The following RIPOR3 variants were observed in gnomAD, a reference collection of about 807,000 sequenced individuals.
The protein encoded by RIPOR3 is family with sequence similarity 65 member C.
A neutral mutation model predicts 114.3 loss-of-function variants in RIPOR3; 95 were observed. The ratio of observed to expected loss-of-function variants is 0.83; its 90% confidence interval spans 0.70 to 0.99. RIPOR3 has a LOEUF of 0.99. Ranked by LOEUF, RIPOR3 falls within the 50% of genes least tolerant of loss-of-function variation. The pLI is 0.00. For missense variants in RIPOR3, 1,252 were observed against 1,266.9 expected (o/e 0.99, Z 0.18); for synonymous variants, 575 against 543.8 (o/e 1.06, Z -0.80).
At chr20:50,674,910 C>G (rs1318916410) in intron 1 of RIPOR3, among the ~76,000 whole-genome samples, 2 of 151,760 alleles carry the variant, frequency 1.3e-5, no homozygotes, top group Admixed American at 1.3e-4. Flanking sequence ...TAGCAAGACC[C>G]CATCTCTATT....
chr20:50,668,651 G>A (rs566779504), intron 1 of RIPOR3, among the ~76,000 whole-genome samples: 1 of 152,290 alleles, frequency 6.6e-6, no homozygotes, highest in Admixed American at 6.5e-5. Flanking sequence ...GAGGTCAGGA[G>A]TTCAAGGCCA....
intron 5 of RIPOR3, 89 bp from the exon 6 acceptor site, chr20:50,610,995 A>C (rs1229126315): frequency 2.7e-6 from 2 of 740,612 alleles, no homozygotes; most frequent in Non-Finnish European, 3.7e-6. Context: ...ACAGGTCCTA[A>C]CTCAGAGAAT....
intron 1 of RIPOR3, among the ~76,000 whole-genome samples, chr20:50,655,393 C>A (rs2085774522): frequency 6.6e-6 from 1 of 152,184 alleles, no homozygotes; most frequent in Admixed American, 6.5e-5. Context: ...GCACACTGCC[C>A]AGTGGGTGAA....
Position 50,597,787 on chromosome 20 carries a change from C to A in RIPOR3, c.1660-77G>T, listed in dbSNP as rs573239020. 131 of 1,543,056 alleles carry A rather than the reference C, an allele frequency of 8.5e-5. No homozygotes were observed. In the African/African-American group the frequency reaches 1.6e-3, roughly 18 times the overall value. ...ACTGGGACACTGGCCAGGGGCCTCA[C>A]GGCAGACTTGGGCAATGTCCCGGTC... is the stretch of plus-strand genomic sequence containing the variant. On this transcript the variant is annotated intron_variant, in intron 13 of 21. Coordinates refer to ENST00000327979, the MANE Select transcript of RIPOR3 (RefSeq NM_001290268.2).
At position 50,610,046 on chromosome 20, in the gene RIPOR3, TCCCCTGCCTCCCCTGCCA is replaced by T. The variant is rs1568855007; in HGVS notation, c.427-342_427-325del. ...CCCTGCCTCACCTGCCACCCCTGCC[TCCCCTGCCTCCCCTGCCA>T]CCCCTGCCTCACCTGCCACCCCTGC... is the stretch of plus-strand genomic sequence containing the variant. On this transcript the variant is annotated intron_variant, in intron 6 of 21. Coordinates refer to ENST00000327979, the MANE Select transcript of RIPOR3 (RefSeq NM_001290268.2). Among the ~76,000 whole-genome samples, 3 of 28,072 alleles carry T rather than the reference TCCCCTGCCTCCCCTGCCA, an allele frequency of 1.1e-4. No individual in the cohort carries two copies. The Admixed American group carries it at 1.2e-3, about 11-fold the overall frequency. 18.4% of individuals were successfully genotyped at this position (28,072 alleles called of 152,430 possible). A position where few individuals can be genotyped will look rare whatever the true frequency, so the allele number is the denominator to read the frequency against.
At chr20:50,647,002 C>A (rs1405439987) in intron 1 of RIPOR3, among the ~76,000 whole-genome samples, 1 of 152,098 alleles carries the variant, frequency 6.6e-6, no homozygotes, top group Non-Finnish European at 1.5e-5. Context: ...AGAAAAAGGA[C>A]AGTACTAAGT....
chr20:50,668,468 T>G (rs2086335935), intron 1 of RIPOR3, among the ~76,000 whole-genome samples: 1 of 152,082 alleles, frequency 6.6e-6, no homozygotes, highest in South Asian at 2.1e-4. Context: ...CCTTTGCGCC[T>G]CCTCCTCAGA....
rs551229976 is a variant in RIPOR3 at position 50,665,807 on chromosome 20, T to C, written c.3+25319A>G. ...GAACACAGACAGTCACACCTCCACG[T>C]TCTTTTGGCCACCATGACTGGTTCA... is the stretch of plus-strand genomic sequence containing the variant. On this transcript the variant is annotated intron_variant, in intron 1 of 21. Coordinates refer to ENST00000327979, the MANE Select transcript of RIPOR3 (RefSeq NM_001290268.2). Among the ~76,000 whole-genome samples, 464 of 152,196 alleles carry C rather than the reference T, an allele frequency of 3.0e-3. 2 individuals carry two copies. The highest frequency in any genetic ancestry group is 5.6e-3 in the Non-Finnish European group (380 of 68,008).
chr20:50,602,115 CGGAGCTGGGGCTG>C lies in RIPOR3; in HGVS notation c.1603_1615del (p.Gln535GlyfsTer14). On this transcript the variant is annotated frameshift_variant, in exon 13 of 22. Transcript: ENST00000327979. LOFTEE classifies it high-confidence loss of function. The surrounding 1 kb of genome is among the most constrained non-coding windows in gnomAD (Gnocchi z 4.3). ...GCCGAGGACCTGGTACTCCAGCTCCCGGAGCTGGGGCTGGGTGGAGTCCGTGGGCCTCAGCAAC... is the reference window on the plus strand; with the variant it reads ...GCCGAGGACCTGGTACTCCAGCTCCCGGTGGAGTCCGTGGGCCTCAGCAAC... 1 of 1,603,350 alleles carries C rather than the reference CGGAGCTGGGGCTG, an allele frequency of 6.2e-7. No homozygotes were observed. Among genetic ancestry groups the C allele is most frequent in the Admixed American group, 1.7e-5 (1 of 58,842 alleles).
intron 21 of RIPOR3, 90 bp downstream of exon 21, chr20:50,587,712 C>T: frequency 1.5e-6 from 2 of 1,304,284 alleles, no homozygotes; most frequent in Non-Finnish European, 2.2e-6. Flanking sequence ...CAGAGTTGTT[C>T]TGCCTGCTGG....
At chr20:50,677,257 T>C in intron 1 of RIPOR3, among the ~76,000 whole-genome samples, 1 of 152,172 alleles carries the variant, frequency 6.6e-6, no homozygotes, top group East Asian at 1.9e-4. Context: ...CACCAGCTTA[T>C]ATTTCTTGTG....
At chr20:50,605,865 G>A (rs2083692529) in intron 11 of RIPOR3, among the ~76,000 whole-genome samples, 1 of 152,080 alleles carries the variant, frequency 6.6e-6, no homozygotes, top group Non-Finnish European at 1.5e-5. Flanking sequence ...ATGGTCACAG[G>A]TGCAGCCTAG....
chr20:50,636,608 C>G, intron 1 of RIPOR3: 1 of 985,704 alleles, frequency 1.0e-6, no homozygotes, highest in East Asian at 1.1e-4. Flanking sequence ...ACAGCCTCTT[C>G]TACTCCGTGT....
intron 1 of RIPOR3, among the ~76,000 whole-genome samples, chr20:50,688,653 A>G (rs2087107155): frequency 6.6e-6 from 1 of 152,212 alleles, no homozygotes; most frequent in Non-Finnish European, 1.5e-5. Flanking sequence ...CTGAGGAGGA[A>G]GCCATTCTCT....
rs1434589859 is a variant in RIPOR3, at chr20:50,600,338, G to A, written c.1659+1734C>T. ...AAAAAAAGAAAAGTTCCTTAAAGAC[G>A]TTTAAAATGATTACATTATTGCGGC... is the stretch of plus-strand genomic sequence containing the variant. On this transcript the variant is annotated intron_variant, in intron 13 of 21. Coordinates refer to ENST00000327979, the MANE Select transcript of RIPOR3 (RefSeq NM_001290268.2). Among the ~76,000 whole-genome samples the A allele has an allele frequency of 3.3e-5, 5 of 152,148 alleles. No homozygotes were observed. The East Asian group carries it at 5.8e-4, about 18-fold the overall frequency.
At chr20:50,599,104 A>AT (rs1568831098) in intron 13 of RIPOR3, among the ~76,000 whole-genome samples, 1 of 152,016 alleles carries the variant, frequency 6.6e-6, no homozygotes, top group African/African-American at 2.4e-5. Flanking sequence ...TTTAATAGCT[A>AT]TTGTTGGCTG....
At chr20:50,690,614 G>A (rs1227839544) in intron 1 of RIPOR3, among the ~76,000 whole-genome samples, 2 of 152,158 alleles carry the variant, frequency 1.3e-5, no homozygotes, top group East Asian at 3.9e-4. Flanking sequence ...TACTGGGGGT[G>A]TACAGGAGAG....
chr20:50,613,718 G>T (rs149312574), intron 4 of RIPOR3, among the ~76,000 whole-genome samples: 160 of 152,312 alleles, frequency 1.1e-3, no homozygotes, highest in African/African-American at 3.7e-3. Context: ...CTGCTTTAGA[G>T]TTACTTCTAG....
chr20:50,610,685 T>G (rs991918000), intron 6 of RIPOR3, among the ~76,000 whole-genome samples, 168 bp downstream of exon 6: 5 of 152,068 alleles, frequency 3.3e-5, no homozygotes, highest in African/African-American at 1.2e-4. Context: ...CTGCTGTCCT[T>G]CAACTGGCCC....
Sources: gnomAD v4.1 joint callset for allele counts (sites outside exome capture counted in the v4.1 genomes callset) on GRCh38, gnomAD v4.1.1 for gene constraint, Gnocchi (gnomAD v3.1) non-coding constraint, MANE v1.5 for transcripts, NCBI Gene and HGNC (gene_info 2026-07-23, HGNC 2026-07-21) for gene names.